DNAL4: variants seen among roughly 807,000 people sequenced by gnomAD.
DNAL4 encodes the protein dynein axonemal light chain 4, also known as dynein light chain, outer arm 4.
A neutral mutation model predicts 12.6 loss-of-function variants in DNAL4; 10 were observed. The ratio of observed to expected loss-of-function variants is 0.79; its 90% CI spans 0.49 to 1.34. The LOEUF (loss-of-function observed/expected upper bound fraction) is 1.34, where lower values mean the gene tolerates loss of function less well. DNAL4 is among the 40% of genes most tolerant of loss of function. The pLI, the probability that DNAL4 is intolerant of heterozygous loss-of-function variation, is 0.00. For synonymous variants in DNAL4, 46 were observed against 53.1 expected, an observed-to-expected ratio of 0.87 and a Z score of 0.58; for missense variants, 128 against 138.1, an observed-to-expected ratio of 0.93 and a Z score of 0.37.
chr22:38,791,877 T>C (rs989892069), intron 1 of DNAL4, among the ~76,000 whole-genome samples: 5 of 148,474 alleles, frequency 3.4e-5, no homozygotes, highest in African/African-American at 1.2e-4. Flanking sequence ...GTTGTTTTTT[T>C]TTTTTTGAGT....
intron 2 of DNAL4, among the ~76,000 whole-genome samples, chr22:38,781,627 AC>A (rs1205110172): frequency 6.6e-6 from 1 of 151,922 alleles, no homozygotes; most frequent in Non-Finnish European, 1.5e-5. Flanking sequence ...TGACAGCCTC[AC>A]TTAGATGTCT....
Position 38,782,566 on chromosome 22 carries a change from C to A in DNAL4, c.69+97G>T. 2 of 1,264,874 alleles carry A rather than the reference C, an allele frequency of 1.6e-6. No individual in the cohort carries two copies. The highest frequency in any genetic ancestry group is 2.6e-5 in the South Asian group (2 of 77,320). The allele number at this position is 1,264,874 out of a possible 1,614,324, so 78.4% of individuals were successfully genotyped here. On this transcript the variant is annotated intron_variant, in intron 2 of 3. Coordinates refer to ENST00000216068, the MANE Select transcript of DNAL4 (RefSeq NM_005740.3). This position sits in a 1 kb window ranked among gnomAD's most constrained non-coding sequence, Gnocchi z 5.1. ...GAGCCAGCAGAGCCCTTCTTAACTT[C>A]CTCCCACTGCCATCCTGCAAGGGAC...
chr22:38,782,963 C>T lies in DNAL4; in HGVS notation c.-139-93G>A, dbSNP rs1313155415. ...GTCTCAGTAACAATCTGACACCTCC[C>T]CATCTTAACTCCTCCGCACCCTTTT... On this transcript the variant is annotated intron_variant, in intron 1 of 3. Transcript: ENST00000216068. This position sits in a 1 kb window ranked among gnomAD's most constrained non-coding sequence, Gnocchi z 5.1. 1 of 447,030 alleles carries T rather than the reference C, an allele frequency of 2.2e-6. No individual in the cohort carries two copies. Among genetic ancestry groups the T allele is most frequent in the Non-Finnish European group, 4.0e-6 (1 of 252,816 alleles). The allele number at this position is 447,030 out of a possible 1,614,324, so 27.7% of individuals were successfully genotyped here. A position where few individuals can be genotyped will look rare whatever the true frequency, so the allele number is the denominator to read the frequency against.
Position 38,782,751 on chromosome 22 carries a change from C to G in DNAL4, c.-20G>C. 6.2e-7 allele frequency: 1 copy of G among 1,603,340 alleles called. No individual in the cohort carries two copies. The highest frequency in any genetic ancestry group is 8.5e-7 in the Non-Finnish European group (1 of 1,175,844). ...TCCCATGATCCTTCCACTGTGACCACTGGAGGAGAGTGGGGCTTTCAGGAG... is the reference window on the plus strand; with the variant it reads ...TCCCATGATCCTTCCACTGTGACCAGTGGAGGAGAGTGGGGCTTTCAGGAG... On this transcript the variant is annotated 5_prime_UTR_variant, in exon 2 of 4. Coordinates refer to ENST00000216068, the MANE Select transcript of DNAL4 (RefSeq NM_005740.3). The surrounding 1 kb of genome is among the most constrained non-coding windows in gnomAD (Gnocchi z 5.1).
rs969822325 is a variant in DNAL4 at position 38,782,406 on chromosome 22, G to T, written c.69+257C>A. ...TAAAACATGTATTTCATGTGGGCCAGGCCTTCGCCTGTCTCGTTTACCATC... is the reference window on the plus strand; with the variant it reads ...TAAAACATGTATTTCATGTGGGCCATGCCTTCGCCTGTCTCGTTTACCATC... On this transcript the variant is annotated intron_variant, in intron 2 of 3. Transcript: ENST00000216068. This position sits in a 1 kb window ranked among gnomAD's most constrained non-coding sequence, Gnocchi z 5.1. 6.6e-6 allele frequency among the ~76,000 whole-genome samples: 1 copy of T among 152,274 alleles called. No individual in the cohort carries two copies. The highest frequency in any genetic ancestry group is 1.5e-5 in the Non-Finnish European group (1 of 68,052).
In DNAL4 at chr22:38,782,978, C is replaced by T. The variant is rs545817735; in HGVS notation, c.-139-108G>A. 9 of 396,518 alleles carry T rather than the reference C, an allele frequency of 2.3e-5. No homozygotes were observed. Among genetic ancestry groups the T allele is most frequent in the Non-Finnish European group, 3.1e-5 (7 of 222,480 alleles). 24.6% of individuals were successfully genotyped at this position (396,518 alleles called of 1,614,324 possible). ...TGACACCTCCCCATCTTAACTCCTC[C>T]GCACCCTTTTCCAAATGGCCAGCAA... On this transcript the variant is annotated intron_variant, in intron 1 of 3. Coordinates refer to ENST00000216068, the MANE Select transcript of DNAL4 (RefSeq NM_005740.3). This position sits in a 1 kb window ranked among gnomAD's most constrained non-coding sequence, Gnocchi z 5.1.
At chr22:38,786,970 C>T (rs772535094) in intron 1 of DNAL4, among the ~76,000 whole-genome samples, 18 of 152,132 alleles carry the variant, frequency 1.2e-4, no homozygotes, top group African/African-American at 3.4e-4. Context: ...AAAATGAATG[C>T]GTTCTGGGAA....
Position 38,782,565 on chromosome 22 carries a change from TC to T in DNAL4, c.69+97del. The stretch of plus-strand genomic sequence containing the variant: ...TGAGCCAGCAGAGCCCTTCTTAACT[TC>T]CTCCCACTGCCATCCTGCAAGGGAC... On this transcript the variant is annotated intron_variant, in intron 2 of 3. Transcript: ENST00000216068. This position sits in a 1 kb window ranked among gnomAD's most constrained non-coding sequence, Gnocchi z 5.1. The T allele has an allele frequency of 8.0e-7, 1 of 1,256,858 alleles. No individual in the cohort carries two copies. The highest frequency in any genetic ancestry group is 1.1e-6 in the Non-Finnish European group (1 of 883,318). The allele number at this position is 1,256,858 out of a possible 1,614,324, so 77.9% of individuals were successfully genotyped here. A position where few individuals can be genotyped will look rare whatever the true frequency, so the allele number is the denominator to read the frequency against.
In DNAL4 at chr22:38,779,381, GGGCTGCTCCCCACCCCAGATGA is replaced by G; in HGVS notation, c.*46_*67del. The G allele has an allele frequency of 6.6e-7, 1 of 1,512,124 alleles. No individual in the cohort carries two copies. The highest frequency in any genetic ancestry group is 8.9e-7 in the Non-Finnish European group (1 of 1,125,550). 93.7% of individuals were successfully genotyped at this position (1,512,124 alleles called of 1,614,324 possible). ...CCTTGGAAAAACCAGGACCTGCCTA[GGGCTGCTCCCCACCCCAGATGA>G]GTGGCAGGAAAAGGCCCTGCAGGGG... On this transcript the variant is annotated 3_prime_UTR_variant, in exon 4 of 4. Transcript: ENST00000216068. This position sits in a 1 kb window ranked among gnomAD's most constrained non-coding sequence, Gnocchi z 4.3.
chr22:38,779,408 C>G lies in DNAL4; in HGVS notation c.*41G>C. 6.5e-7 allele frequency: 1 copy of G among 1,537,702 alleles called. No homozygotes were observed. Among genetic ancestry groups the G allele is most frequent in the Non-Finnish European group, 8.8e-7 (1 of 1,138,218 alleles). Reference sequence around the variant, plus strand: ...GCTGCTCCCCACCCCAGATGAGTGGCAGGAAAAGGCCCTGCAGGGGACGGG... The same window carrying G: ...GCTGCTCCCCACCCCAGATGAGTGGGAGGAAAAGGCCCTGCAGGGGACGGG... On this transcript the variant is annotated 3_prime_UTR_variant, in exon 4 of 4. Coordinates refer to ENST00000216068, the MANE Select transcript of DNAL4 (RefSeq NM_005740.3). The surrounding 1 kb of genome is among the most constrained non-coding windows in gnomAD (Gnocchi z 4.3).
At chr22:38,792,959 TTA>T (rs2093053311) in intron 1 of DNAL4, among the ~76,000 whole-genome samples, 1 of 152,206 alleles carries the variant, frequency 6.6e-6, no homozygotes, top group Admixed American at 6.5e-5. Flanking sequence ...GTGCTATATT[TTA>T]TATGACTGGC....
intron 1 of DNAL4, among the ~76,000 whole-genome samples, chr22:38,788,186 G>A (rs149451451): frequency 5.3e-5 from 8 of 152,284 alleles, no homozygotes; most frequent in African/African-American, 1.7e-4. Flanking sequence ...AAGGACTTGG[G>A]CATTCGTCCA....
intron 1 of DNAL4, among the ~76,000 whole-genome samples, chr22:38,793,360 T>C (rs1291308505): frequency 1.3e-5 from 2 of 152,214 alleles, no homozygotes; most frequent in Non-Finnish European, 2.9e-5. Context: ...CTGTACTTCA[T>C]ATTAGCCTCA....
chr22:38,782,848 A>C lies in DNAL4; in HGVS notation c.-117T>G. The C allele has an allele frequency of 1.1e-6, 1 of 947,324 alleles. No individual in the cohort carries two copies. Among genetic ancestry groups the C allele is most frequent in the Non-Finnish European group, 1.5e-6 (1 of 645,584 alleles). The allele number at this position is 947,324 out of a possible 1,614,324, so 58.7% of individuals were successfully genotyped here. On this transcript the variant is annotated 5_prime_UTR_variant, in exon 2 of 4. Transcript: ENST00000216068. The surrounding 1 kb of genome is among the most constrained non-coding windows in gnomAD (Gnocchi z 5.1). ...GGCCCTGCCAACTCGGTGGGAGCAG[A>C]AAATGTCTTTCCCCGGGGGGTGCTG...
chr22:38,782,720 T>G lies in DNAL4; in HGVS notation c.12A>C (p.Thr4=), dbSNP rs766536648. 9 of 1,613,130 alleles carry G rather than the reference T, an allele frequency of 5.6e-6. No homozygotes were observed. The East Asian group carries it at 1.8e-4, about 32-fold the overall frequency. MGE[T]EGKKDEADYK... ...AATCAGCCTCATCTTTCTTCCCTTC[T>G]GTTTCTCCCATGATCCTTCCACTGT... Residue 4 remains threonine (T), a synonymous_variant, in exon 2 of 4, where the codon ACA becomes ACC. Coordinates refer to ENST00000216068, the MANE Select transcript of DNAL4 (RefSeq NM_005740.3). This position sits in a 1 kb window ranked among gnomAD's most constrained non-coding sequence, Gnocchi z 5.1.
At chr22:38,784,982 C>G (rs554221424) in intron 1 of DNAL4, among the ~76,000 whole-genome samples, 2 of 150,344 alleles carry the variant, frequency 1.3e-5, no homozygotes, top group Non-Finnish European at 3.0e-5. Context: ...CAGACCCCCC[C>G]CCCCATCCAA....
At position 38,779,365 on chromosome 22, in the gene DNAL4, A is replaced by G; in HGVS notation, c.*84T>C. The G allele has an allele frequency of 1.4e-6, 2 of 1,449,398 alleles. No homozygotes were observed. The highest frequency in any genetic ancestry group is 1.8e-6 in the Non-Finnish European group (2 of 1,095,240). 89.8% of individuals were successfully genotyped at this position (1,449,398 alleles called of 1,614,324 possible). A position where few individuals can be genotyped will look rare whatever the true frequency, so the allele number is the denominator to read the frequency against. On this transcript the variant is annotated 3_prime_UTR_variant, in exon 4 of 4. Coordinates refer to ENST00000216068, the MANE Select transcript of DNAL4 (RefSeq NM_005740.3). The surrounding 1 kb of genome is among the most constrained non-coding windows in gnomAD (Gnocchi z 4.3). ...AAAAGACCCCAACTCTCCTTGGAAAAACCAGGACCTGCCTAGGGCTGCTCC... is the reference window on the plus strand; with the variant it reads ...AAAAGACCCCAACTCTCCTTGGAAAGACCAGGACCTGCCTAGGGCTGCTCC...
At chr22:38,793,600 A>C (rs956525090) in intron 1 of DNAL4, among the ~76,000 whole-genome samples, 2 of 152,146 alleles carry the variant, frequency 1.3e-5, no homozygotes, top group African/African-American at 4.8e-5. Flanking sequence ...AGATCACTCA[A>C]CTCAACTTCT....
In DNAL4 at chr22:38,779,585, A is replaced by G. The variant is rs1436775824; in HGVS notation, c.182T>C (p.Met61Thr). 6.3e-7 allele frequency: 1 copy of G among 1,598,976 alleles called. No homozygotes were observed. Among genetic ancestry groups the G allele is most frequent in the South Asian group, 1.1e-5 (1 of 88,602 alleles). The change falls in exon 4 of 4, where the codon ATG becomes ACG. Residue 61 changes from methionine to threonine, a missense_variant. Physicochemically the swap from Met to Thr is moderately conservative, Grantham distance 81 (BLOSUM62 -1). Coordinates refer to ENST00000216068, the MANE Select transcript of DNAL4 (RefSeq NM_005740.3). The surrounding 1 kb of genome is among the most constrained non-coding windows in gnomAD (Gnocchi z 4.3). ...ESAAKMIKET[M>T]DKKFGSSWHV... The stretch of plus-strand genomic sequence containing the variant: ...CCAGGAGGAGCCGAACTTCTTGTCC[A>G]TTGTCTCTTTGATCATCTTGGCGGC...
Sources: gnomAD v4.1 joint callset for allele counts (sites outside exome capture counted in the v4.1 genomes callset) on GRCh38, gnomAD v4.1.1 for gene constraint, Gnocchi (gnomAD v3.1) non-coding constraint, MANE v1.5 for transcripts, NCBI Gene and HGNC (gene_info 2026-07-23, HGNC 2026-07-21) for gene names.